IFT81: variants seen among roughly 807,000 people sequenced by gnomAD.
The protein encoded by IFT81 is intraflagellar transport protein 81 homolog.
A neutral mutation model predicts 102.6 loss-of-function variants in IFT81; 72 were observed. The ratio of observed to expected loss-of-function variants is 0.70; its 90% confidence interval spans 0.58 to 0.85. The LOEUF (loss-of-function observed/expected upper bound fraction) is 0.85. IFT81 is among the 40% of genes least tolerant of loss of function. The pLI, the probability that IFT81 is intolerant of heterozygous loss-of-function variation, is 0.00. For missense variants in IFT81, 723 were observed against 787.3 expected, an observed-to-expected ratio of 0.92 and a Z score of 0.98; for synonymous variants, 237 against 242.7, an observed-to-expected ratio of 0.98 and a Z score of 0.22.
intron 4 of IFT81, 30 bp from the exon 5 acceptor site, chr12:110,132,517 A>T (rs750547999): frequency 1.1e-6 from 1 of 925,238 alleles, no homozygotes; most frequent in African/African-American, 1.7e-5. Flanking sequence ...TCTAGTTATT[A>T]GTTTATAATT....
intron 12 of IFT81, among the ~76,000 whole-genome samples, chr12:110,190,165 T>C (rs1016366268): frequency 1.3e-5 from 2 of 152,266 alleles, no homozygotes; most frequent in East Asian, 3.9e-4. Flanking sequence ...ACAATACAAC[T>C]TATTATCTAA....
chr12:110,200,720 C>A (rs112323401), intron 14 of IFT81, among the ~76,000 whole-genome samples: 212 of 152,242 alleles, frequency 1.4e-3, no homozygotes, highest in African/African-American at 4.9e-3. Context: ...GAGGCTGAGG[C>A]AGGCGGATGA....
At chr12:110,130,825 C>T (rs966555939) in intron 4 of IFT81, among the ~76,000 whole-genome samples, 17 of 151,774 alleles carry the variant, frequency 1.1e-4, no homozygotes, top group Non-Finnish European at 4.4e-5. Context: ...TATACACACA[C>T]ACAATGATTT....
At chr12:110,173,047 GC>G (rs1896836105) in intron 11 of IFT81, among the ~76,000 whole-genome samples, 1 of 146,856 alleles carries the variant, frequency 6.8e-6, no homozygotes, top group African/African-American at 2.5e-5. Flanking sequence ...GGGCGCCTCT[GC>G]CCAGCTGCCC....
chr12:110,179,940 CAAAT>C lies in IFT81; in HGVS notation c.1189-470_1189-467del, dbSNP rs746792326. ...TGACAGAGTGAGATTTGGTCTCAAA[CAAAT>C]AAATAAATAAAGGAATTCATTTGGT... On this transcript the variant is annotated intron_variant, in intron 11 of 18. Coordinates refer to ENST00000242591, the MANE Select transcript of IFT81 (RefSeq NM_014055.4). Among the ~76,000 whole-genome samples, 15 of 148,988 alleles carry C rather than the reference CAAAT, an allele frequency of 1.0e-4. No individual in the cohort carries two copies. The South Asian group carries it at 2.3e-3, about 23-fold the overall frequency.
intron 18 of IFT81, among the ~76,000 whole-genome samples, chr12:110,212,374 A>G (rs1352610473): frequency 2.0e-5 from 3 of 147,694 alleles, no homozygotes; most frequent in Non-Finnish European, 4.5e-5. Flanking sequence ...GTGAAACCTC[A>G]TCTCTACTAA....
chr12:110,190,948 C>A lies in IFT81; in HGVS notation c.1367C>A (p.Ser456Tyr). ...LQTMEEKKGISGYSYTQEELE... is the reference protein window; with the variant it reads ...LQTMEEKKGIYGYSYTQEELE... ...ACTATGGAGGAGAAAAAGGGTATAT[C>A]TGGATATAGTTACACCCAAGAAGAG... Residue 456 changes from serine to tyrosine, a missense_variant, in exon 13 of 19, where the codon TCT becomes TAT. Physicochemically the swap from Ser to Tyr is moderately radical, Grantham distance 144. Transcript: ENST00000242591. 1 of 1,591,046 alleles carries A rather than the reference C, an allele frequency of 6.3e-7. No homozygotes were observed. The highest frequency in any genetic ancestry group is 1.8e-5 in the Admixed American group (1 of 55,888).
intron 14 of IFT81, 71 bp downstream of exon 14, chr12:110,192,777 T>G: frequency 2.5e-6 from 2 of 789,330 alleles, no homozygotes; most frequent in Non-Finnish European, 4.2e-6. Flanking sequence ...TCACATGTGC[T>G]AGTTAGAACC....
At chr12:110,132,331 G>C (rs866632531) in intron 4 of IFT81, among the ~76,000 whole-genome samples, 8 of 151,874 alleles carry the variant, frequency 5.3e-5, no homozygotes, top group African/African-American at 1.9e-4. Flanking sequence ...GTGGTGGCGC[G>C]CGCATGTAAT....
intron 10 of IFT81, among the ~76,000 whole-genome samples, chr12:110,147,835 T>C (rs866090994): frequency 6.6e-6 from 1 of 152,188 alleles, no homozygotes; most frequent in Non-Finnish European, 1.5e-5. Context: ...CATCATAACA[T>C]TTCATCTATA....
chr12:110,154,645 GAAA>G, intron 10 of IFT81, among the ~76,000 whole-genome samples: 1 of 145,952 alleles, frequency 6.9e-6, no homozygotes, highest in South Asian at 2.2e-4. Context: ...AAAAAAAAAA[GAAA>G]AAGAAAGAAA....
At chr12:110,146,825 T>C (rs1409304782) in intron 9 of IFT81, 128 bp from the exon 10 acceptor site, 47 of 1,181,446 alleles carry the variant, frequency 4.0e-5, no homozygotes, top group Admixed American at 6.5e-5. Context: ...TTAGTCTAGG[T>C]GAAACTGAGA....
Position 110,127,353 on chromosome 12 carries a change from T to C in IFT81, c.-21-7T>C. ...TAAGGATTTTTTTTTCTATTTTTAC[T>C]CTTTAGTTAAAATTATAAGACCTAA... On this transcript the variant is annotated splice_polypyrimidine_tract_variant and splice_region_variant and intron_variant, in intron 1 of 18. Transcript: ENST00000242591. The C allele has an allele frequency of 6.8e-7, 1 of 1,472,168 alleles. No homozygotes were observed. Among genetic ancestry groups the C allele is most frequent in the Non-Finnish European group, 9.0e-7 (1 of 1,115,158 alleles). 91.2% of individuals were successfully genotyped at this position (1,472,168 alleles called of 1,614,324 possible). A position where few individuals can be genotyped will look rare whatever the true frequency, so the allele number is the denominator to read the frequency against.
intron 13 of IFT81, 75 bp downstream of exon 13, chr12:110,191,123 A>G: frequency 1.5e-6 from 2 of 1,306,512 alleles, no homozygotes; most frequent in East Asian, 2.5e-5. Flanking sequence ...TTTTATTTTC[A>G]GTGAAACATT....
chr12:110,160,808 T>C (rs946417070), intron 10 of IFT81, among the ~76,000 whole-genome samples: 1 of 152,250 alleles, frequency 6.6e-6, no homozygotes, highest in African/African-American at 2.4e-5. Context: ...TTGGTTTCTG[T>C]AGTTTTTCTA....
intron 4 of IFT81, among the ~76,000 whole-genome samples, chr12:110,132,299 A>T (rs894156627): frequency 2.6e-5 from 4 of 152,022 alleles, no homozygotes; most frequent in Non-Finnish European, 4.4e-5. Flanking sequence ...GTCTCTACTA[A>T]AAATACAAAA....
chr12:110,202,784 G>T (rs1472743124), intron 14 of IFT81, among the ~76,000 whole-genome samples: 1 of 152,068 alleles, frequency 6.6e-6, no homozygotes, highest in African/African-American at 2.4e-5. Context: ...ATAATCTTTG[G>T]CAAGGTACTT....
intron 12 of IFT81, among the ~76,000 whole-genome samples, chr12:110,188,836 G>A (rs1429223705): frequency 6.6e-6 from 1 of 151,854 alleles, no homozygotes; most frequent in Non-Finnish European, 1.5e-5. Context: ...GGCTGAGGCA[G>A]GAGAATCGCT....
intron 10 of IFT81, among the ~76,000 whole-genome samples, chr12:110,158,243 G>T (rs1490769864): frequency 6.6e-6 from 1 of 151,650 alleles, no homozygotes; most frequent in East Asian, 1.9e-4. Flanking sequence ...ATCACACCTG[G>T]CTAATTTTTG....
Sources: allele counts gnomAD v4.1 joint callset (sites outside exome capture counted in the v4.1 genomes callset), GRCh38; gene constraint gnomAD v4.1.1; transcripts MANE v1.5; gene names NCBI Gene and HGNC (gene_info 2026-07-23, HGNC 2026-07-21).